The following PTPRG variants were observed in gnomAD, a reference collection of about 807,000 sequenced individuals.
PTPRG encodes receptor-type tyrosine-protein phosphatase gamma.
Under a neutral mutation model 165.3 loss-of-function variants are expected in PTPRG, and 102 were observed. That is an observed-to-expected ratio of 0.62 (90% CI 0.53 to 0.73). PTPRG has a LOEUF of 0.73. Ranked by LOEUF, PTPRG falls within the 30% of genes least tolerant of loss-of-function variation. PTPRG has a pLI of 0.00. For synonymous variants in PTPRG, 675 were observed against 669.5 expected, an observed-to-expected ratio of 1.01 and a Z score of -0.13; for missense variants, 1,866 against 1,861.4, an observed-to-expected ratio of 1.00 and a Z score of -0.05.
chr3:62,232,230 G>A (rs142692174), intron 14 of PTPRG, among the ~76,000 whole-genome samples: 310 of 152,276 alleles, frequency 2.0e-3, no homozygotes, highest in South Asian at 5.2e-3. Context: ...ATCTGAGAAG[G>A]TATAGTTTAG....
intron 1 of PTPRG, among the ~76,000 whole-genome samples, chr3:61,720,627 A>G (rs1169878438): frequency 2.0e-5 from 3 of 152,192 alleles, no homozygotes; most frequent in Non-Finnish European, 4.4e-5. Flanking sequence ...GACTTCTGAT[A>G]TCATAGATGA....
intron 6 of PTPRG, among the ~76,000 whole-genome samples, chr3:62,133,399 G>T (rs1703588931): frequency 2.6e-5 from 4 of 152,188 alleles, no homozygotes; most frequent in Admixed American, 2.6e-4. Context: ...AATAGCATTA[G>T]TAACCATAAT....
intron 2 of PTPRG, among the ~76,000 whole-genome samples, chr3:61,891,159 A>C (rs1383790093): frequency 6.6e-6 from 1 of 152,100 alleles, no homozygotes; most frequent in Non-Finnish European, 1.5e-5. Flanking sequence ...CTCTACTAAA[A>C]ATACAAAATT....
chr3:62,222,804 A>G lies in PTPRG; in HGVS notation c.2288+3821A>G, dbSNP rs562432571. 3.9e-5 allele frequency among the ~76,000 whole-genome samples: 6 copies of G among 152,184 alleles called. No homozygotes were observed. The highest frequency in any genetic ancestry group is 8.8e-5 in the Non-Finnish European group (6 of 68,046). ...ATGCAATGCTTACAGAGTTCCTGCC[A>G]TGCATCCTGGTGGGCCTAGAGATTT... On this transcript the variant is annotated intron_variant, in intron 13 of 29. Coordinates refer to ENST00000474889, the MANE Select transcript of PTPRG (RefSeq NM_002841.4). The surrounding 1 kb of genome is among the most constrained non-coding windows in gnomAD (Gnocchi z 4.5).
At chr3:61,830,232 G>A (rs1175926947) in intron 2 of PTPRG, among the ~76,000 whole-genome samples, 1 of 152,178 alleles carries the variant, frequency 6.6e-6, no homozygotes, top group Non-Finnish European at 1.5e-5. Context: ...AATCAGAATT[G>A]CCGTATTTTT....
intron 25 of PTPRG, 35 bp from the exon 26 acceptor site, chr3:62,277,516 A>G (rs1463114670): frequency 2.5e-6 from 4 of 1,600,378 alleles, no homozygotes; most frequent in Non-Finnish European, 3.4e-6. Flanking sequence ...TAAAACACTC[A>G]TATTCACTGA....
chr3:61,979,574 A>T (rs1395573997), intron 2 of PTPRG, among the ~76,000 whole-genome samples: 8 of 152,008 alleles, frequency 5.3e-5, no homozygotes, highest in Admixed American at 5.3e-4. Flanking sequence ...TATTTCTGCT[A>T]AAATCCCTCT....
In PTPRG at chr3:61,760,643, T is replaced by C. The variant is rs538038375; in HGVS notation, c.190+11661T>C. 5.9e-5 allele frequency among the ~76,000 whole-genome samples: 9 copies of C among 152,306 alleles called. No homozygotes were observed. The South Asian group carries it at 6.2e-4, about 11-fold the overall frequency. On this transcript the variant is annotated intron_variant, in intron 2 of 29. Coordinates refer to ENST00000474889, the MANE Select transcript of PTPRG (RefSeq NM_002841.4). ...TAAGTTCAGGGGTACTTGTACAGGA[T>C]GTGCAGGTTTGTTACAAAGGGAAAG...
At chr3:62,147,753 C>T (rs532312486) in intron 6 of PTPRG, among the ~76,000 whole-genome samples, 13 of 152,182 alleles carry the variant, frequency 8.5e-5, no homozygotes, top group Non-Finnish European at 1.8e-4. Flanking sequence ...AGTGTTTTAG[C>T]TGCTGGATAT....
At chr3:61,909,332 G>A (rs1451649952) in intron 2 of PTPRG, among the ~76,000 whole-genome samples, 3 of 152,114 alleles carry the variant, frequency 2.0e-5, no homozygotes, top group Admixed American at 2.0e-4. Context: ...TGTCAACACA[G>A]GTTTTAATTT....
intron 2 of PTPRG, among the ~76,000 whole-genome samples, chr3:61,867,911 TC>T (rs1216606012): frequency 1.3e-5 from 2 of 152,150 alleles, no homozygotes; most frequent in Non-Finnish European, 2.9e-5. Context: ...CAGTGGTCTT[TC>T]TTCCACAGGG....
chr3:61,674,183 T>TAA (rs11335275), intron 1 of PTPRG, among the ~76,000 whole-genome samples: 2 of 144,166 alleles, frequency 1.4e-5, no homozygotes, highest in East Asian at 2.0e-4. Flanking sequence ...ATAATAATAA[T>TAA]AAAAAAAAAA....
At position 61,980,967 on chromosome 3, in the gene PTPRG, C is replaced by T. The variant is rs530085977; in HGVS notation, c.191-8658C>T. Among the ~76,000 whole-genome samples, 136 of 152,280 alleles carry T rather than the reference C, an allele frequency of 8.9e-4. 2 individuals carry two copies. In the South Asian group the frequency reaches 0.027, roughly 30 times the overall value. On this transcript the variant is annotated intron_variant, in intron 2 of 29. Transcript: ENST00000474889. Reference sequence around the variant, plus strand: ...GTGAATAGTACCAACCTAAACCAGTCCCTCTGTATTAGTCCGTTCTCATGC... The same window carrying T: ...GTGAATAGTACCAACCTAAACCAGTTCCTCTGTATTAGTCCGTTCTCATGC...
chr3:61,882,241 T>A (rs1380813979), intron 2 of PTPRG, among the ~76,000 whole-genome samples: 2 of 152,216 alleles, frequency 1.3e-5, no homozygotes, highest in African/African-American at 2.4e-5. Flanking sequence ...CGTGTGTTGT[T>A]TACACAATTC....
At chr3:62,034,999 T>A (rs1341095295) in intron 4 of PTPRG, among the ~76,000 whole-genome samples, 1 of 152,132 alleles carries the variant, frequency 6.6e-6, no homozygotes, top group African/African-American at 2.4e-5. Context: ...ATATTAAACG[T>A]TCCAAGGCGG....
intron 2 of PTPRG, among the ~76,000 whole-genome samples, chr3:61,953,999 G>A (rs113193168): frequency 0.013 from 1,915 of 152,276 alleles, 41 homozygotes; most frequent in South Asian, 0.074. Flanking sequence ...CAAATATGTA[G>A]TACTCCCTTG....
chr3:61,764,824 T>G (rs1168684417), intron 2 of PTPRG, among the ~76,000 whole-genome samples: 1 of 152,244 alleles, frequency 6.6e-6, no homozygotes, highest in Non-Finnish European at 1.5e-5. Flanking sequence ...AAGTGGGGAC[T>G]CTTTCCTTTT....
At chr3:61,589,392 A>G (rs114317656) in intron 1 of PTPRG, among the ~76,000 whole-genome samples, 279 of 152,274 alleles carry the variant, frequency 1.8e-3, no homozygotes, top group African/African-American at 6.5e-3. Context: ...CTTTGCATAT[A>G]TTAATTTAAT....
chr3:62,133,491 C>T (rs1000886956), intron 6 of PTPRG, among the ~76,000 whole-genome samples: 8 of 152,156 alleles, frequency 5.3e-5, no homozygotes, highest in African/African-American at 1.9e-4. Context: ...TTAGCCAACT[C>T]CATAGAGCTT....
Sources: gnomAD v4.1 joint callset for allele counts (sites outside exome capture counted in the v4.1 genomes callset) on GRCh38, gnomAD v4.1.1 for gene constraint, Gnocchi (gnomAD v3.1) non-coding constraint, MANE v1.5 for transcripts, NCBI Gene and HGNC (gene_info 2026-07-23, HGNC 2026-07-21) for gene names.